CEP85L: variants seen among roughly 807,000 people sequenced by gnomAD.
CEP85L encodes centrosomal protein of 85 kDa-like.
Under a neutral mutation model 100.3 loss-of-function variants are expected in CEP85L, and 60 were observed. The observed-to-expected ratio is 0.60, with a 90% confidence interval of 0.49 to 0.74. The LOEUF is 0.74. Ranked by LOEUF, CEP85L falls within the 30% of genes least tolerant of loss-of-function variation. CEP85L has a pLI of 0.00. For synonymous variants in CEP85L, 319 were observed against 322.7 expected (o/e 0.99, Z 0.12); for missense variants, 973 against 936.2 (o/e 1.04, Z -0.51).
intron 2 of CEP85L, among the ~76,000 whole-genome samples, chr6:118,592,356 A>C (rs1480734607): frequency 6.9e-6 from 1 of 145,780 alleles, no homozygotes; most frequent in African/African-American, 2.5e-5. Flanking sequence ...TTTGATCAGT[A>C]AAAAGGAGAT....
chr6:118,551,427 C>T (rs565904760), intron 3 of CEP85L, among the ~76,000 whole-genome samples: 2 of 152,034 alleles, frequency 1.3e-5, no homozygotes, highest in South Asian at 2.1e-4. Context: ...AATACTACCT[C>T]CCCATATTCT....
intron 3 of CEP85L, chr6:118,564,931 T>C (rs1779415646): frequency 6.6e-6 from 1 of 152,324 alleles, no homozygotes; most frequent in Admixed American, 6.5e-5. Context: ...TATTTTTCTT[T>C]ATATATGATA....
intron 2 of CEP85L, among the ~76,000 whole-genome samples, chr6:118,577,112 AC>A (rs1562277948): frequency 6.6e-6 from 1 of 152,056 alleles, no homozygotes; most frequent in Non-Finnish European, 1.5e-5. Context: ...GGGCTATCCA[AC>A]CCCGTACTAC....
intron 2 of CEP85L, among the ~76,000 whole-genome samples, chr6:118,628,633 C>G (rs929942897): frequency 1.6e-4 from 17 of 103,850 alleles, no homozygotes; most frequent in Non-Finnish European, 2.4e-4. Context: ...AGACTCCATC[C>G]AAAAAAACAA....
chr6:118,556,640 G>A (rs1420119062), intron 3 of CEP85L, among the ~76,000 whole-genome samples: 1 of 152,146 alleles, frequency 6.6e-6, no homozygotes, highest in Admixed American at 6.5e-5. Flanking sequence ...TTTATGGGAT[G>A]TATAAAAGGA....
chr6:118,665,598 A>G (rs950297396), intron 1 of CEP85L, among the ~76,000 whole-genome samples: 2 of 151,628 alleles, frequency 1.3e-5, no homozygotes, highest in Non-Finnish European at 2.9e-5. Context: ...GGCTCAAGCA[A>G]TCCTCCCTCC....
chr6:118,513,528 T>A (rs1197460117), intron 4 of CEP85L, among the ~76,000 whole-genome samples: 2 of 152,002 alleles, frequency 1.3e-5, no homozygotes, highest in Non-Finnish European at 2.9e-5. Context: ...AATAATGCAA[T>A]CAATAAGACA....
chr6:118,483,678 T>G, intron 7 of CEP85L, 28 bp downstream of exon 7: 1 of 1,587,518 alleles, frequency 6.3e-7, no homozygotes, highest in South Asian at 1.2e-5. Context: ...TCATGTCATT[T>G]AAAGATAAGC....
chr6:118,608,436 A>C lies in CEP85L; in HGVS notation c.232+24017T>G, dbSNP rs1185412401. On this transcript the variant is annotated intron_variant, in intron 2 of 12. Coordinates refer to ENST00000368491, the MANE Select transcript of CEP85L (RefSeq NM_001042475.3). ...CATGAACCCGGGAGGCAGAGGTTGC[A>C]GTGAGCGGAGATCGCACCACTGCAC... Among the ~76,000 whole-genome samples, 4 of 152,214 alleles carry C rather than the reference A, an allele frequency of 2.6e-5. No homozygotes were observed. In the East Asian group the frequency reaches 7.7e-4, roughly 29 times the overall value.
chr6:118,567,332 C>T (rs140372941), intron 2 of CEP85L, among the ~76,000 whole-genome samples: 4,076 of 138,488 alleles, frequency 0.029, 106 homozygotes, highest in Middle Eastern at 0.056. Context: ...ACTTTTATTC[C>T]TTTCTCTCTA....
chr6:118,674,838 G>A (rs143008646), intron 1 of CEP85L, among the ~76,000 whole-genome samples: 179 of 152,272 alleles, frequency 1.2e-3, no homozygotes, highest in African/African-American at 4.1e-3. Flanking sequence ...TGGAGAAATT[G>A]GAATCCTCAT....
At position 118,600,300 on chromosome 6, in the gene CEP85L, G is replaced by GGGGGTGTGTGTGTGT. The variant is rs1562297733; in HGVS notation, c.232+32152_232+32153insACACACACACACCCC. Among the ~76,000 whole-genome samples, 25 of 52,246 alleles carry GGGGGTGTGTGTGTGT rather than the reference G, an allele frequency of 4.8e-4. 7 individuals are homozygous for GGGGGTGTGTGTGTGT. Among genetic ancestry groups the GGGGGTGTGTGTGTGT allele is most frequent in the South Asian group, 1.4e-3 (2 of 1,420 alleles). The allele number at this position is 52,246 out of a possible 152,430, so 34.3% of individuals were successfully genotyped here. A position where few individuals can be genotyped will look rare whatever the true frequency, so the allele number is the denominator to read the frequency against. ...CTGCCTGTCCCTGAGCCTTCCTGGG[G>GGGGGTGTGTGTGTGT]GTGTGTGTGTGTGTGTGTGTGTGTG... is the stretch of plus-strand genomic sequence containing the variant. On this transcript the variant is annotated intron_variant, in intron 2 of 12. Transcript: ENST00000368491.
intron 5 of CEP85L, among the ~76,000 whole-genome samples, chr6:118,506,378 G>A (rs991717060): frequency 5.3e-5 from 8 of 152,094 alleles, no homozygotes; most frequent in Non-Finnish European, 1.2e-4. Flanking sequence ...AGGGCTTGCC[G>A]TGCAGGTGGA....
rs778833415 is a variant in CEP85L, at chr6:118,566,138, A to C, written c.411T>G (p.Ser137Arg). The C allele has an allele frequency of 1.5e-5, 24 of 1,613,796 alleles. No individual in the cohort carries two copies. Among genetic ancestry groups the C allele is most frequent in the Non-Finnish European group, 5.1e-6 (6 of 1,179,976 alleles). ...CTAGGGAAGAGTCCTGCTCCCCCCTACTGTGGTTTCCCAATGTTTGCATGA... is the reference window on the plus strand; with the variant it reads ...CTAGGGAAGAGTCCTGCTCCCCCCTCCTGTGGTTTCCCAATGTTTGCATGA... ...TSLMQTLGNH[S>R]RGEQDSSLDM... The change falls in exon 3 of 13, where the codon AGT becomes AGG. Residue 137 changes from serine (S) to arginine (R), a missense_variant. Around this residue, in one of 3 missense-constraint regions of CEP85L, gnomAD observed 890 missense variants for 844.5 expected, o/e 1.05. Transcript: ENST00000368491.
chr6:118,512,501 A>G (rs1329977490), intron 4 of CEP85L, among the ~76,000 whole-genome samples: 1 of 152,202 alleles, frequency 6.6e-6, no homozygotes, highest in Non-Finnish European at 1.5e-5. Flanking sequence ...GAAACCAGTT[A>G]ACATTTAGCA....
rs545580929 is a variant in CEP85L, at chr6:118,463,580, C to T, written c.*1825G>A. 10 of 152,064 alleles carry T rather than the reference C, an allele frequency of 6.6e-5. No individual in the cohort carries two copies. The South Asian group carries it at 1.0e-3, about 16-fold the overall frequency. The allele number at this position is 152,064 out of a possible 1,614,324, so 9.4% of individuals were successfully genotyped here. ...ATCGTCAAGCTACTAATGTTAAAAA[C>T]CAAGTGAATATAATTAGAAAGCCAA... On this transcript the variant is annotated 3_prime_UTR_variant, in exon 13 of 13. Transcript: ENST00000368491.
chr6:118,627,693 A>G (rs1185826211), intron 2 of CEP85L, among the ~76,000 whole-genome samples: 2 of 152,224 alleles, frequency 1.3e-5, no homozygotes, highest in Non-Finnish European at 2.9e-5. Context: ...TGGTTCTCAC[A>G]GTAAGTATCA....
chr6:118,524,336 CG>C (rs1201692550), intron 3 of CEP85L, among the ~76,000 whole-genome samples: 1 of 151,992 alleles, frequency 6.6e-6, no homozygotes, highest in Non-Finnish European at 1.5e-5. Flanking sequence ...CCCAGCTACT[CG>C]GGAGGCTGAG....
chr6:118,468,431 G>C (rs1189927807), intron 12 of CEP85L, among the ~76,000 whole-genome samples: 1 of 152,038 alleles, frequency 6.6e-6, no homozygotes, highest in Non-Finnish European at 1.5e-5. Flanking sequence ...TCCTGATTTG[G>C]AACCACGTAC....
Sources: allele counts gnomAD v4.1 joint callset (sites outside exome capture counted in the v4.1 genomes callset), GRCh38; gene constraint gnomAD v4.1.1; regional missense constraint gnomAD v4.1.1; transcripts MANE v1.5; gene names NCBI Gene and HGNC (gene_info 2026-07-23, HGNC 2026-07-21).